Variants in CNTNAP2 observed in about 807,000 individuals in gnomAD.
The protein encoded by CNTNAP2 is contactin-associated protein-like 2.
In CNTNAP2, 98 loss-of-function variants were observed where a neutral mutation model predicts 155.2. The ratio of observed to expected loss-of-function variants is 0.63; its 90% CI spans 0.54 to 0.75. The LOEUF (loss-of-function observed/expected upper bound fraction) is 0.75, where lower values mean the gene tolerates loss of function less well. Ranked by LOEUF, CNTNAP2 falls within the 30% of genes least tolerant of loss-of-function variation. CNTNAP2 has a pLI of 0.00. For synonymous variants in CNTNAP2, 651 were observed against 631.2 expected (o/e 1.03, Z -0.47); for missense variants, 1,727 against 1,688.1 (o/e 1.02, Z -0.40).
At chr7:147,231,604 G>A (rs1440663770) in intron 8 of CNTNAP2, among the ~76,000 whole-genome samples, 4 of 152,064 alleles carry the variant, frequency 2.6e-5, no homozygotes, top group African/African-American at 2.4e-5. Context: ...TTATTATCAC[G>A]TGTCTTTTTG....
At chr7:147,024,924 T>G (rs73465281) in intron 3 of CNTNAP2, among the ~76,000 whole-genome samples, 23,880 of 151,844 alleles carry the variant, frequency 0.16, 3,129 homozygotes, top group African/African-American at 0.35. Flanking sequence ...CCCCACACTT[T>G]AAACAATCAC....
rs559599335 is a variant in CNTNAP2 at position 146,448,749 on chromosome 7, C to A, written c.98-325522C>A. Among the ~76,000 whole-genome samples, 246 of 152,136 alleles carry A rather than the reference C, an allele frequency of 1.6e-3. 3 individuals carry two copies. Among genetic ancestry groups the A allele is most frequent in the African/African-American group, 5.7e-3 (236 of 41,538 alleles). On this transcript the variant is annotated intron_variant, in intron 1 of 23. Transcript: ENST00000361727. ...TAATGTCGATCACACATAATCACTG[C>A]AATTGGAATATAGAACTATTCTGTT...
intron 3 of CNTNAP2, among the ~76,000 whole-genome samples, chr7:146,929,154 C>T (rs1377902982): frequency 1.3e-5 from 2 of 152,224 alleles, no homozygotes; most frequent in South Asian, 4.1e-4. Context: ...TCCCTGACCC[C>T]TGACCTCCGA....
At chr7:147,332,007 T>C (rs192460103) in intron 9 of CNTNAP2, among the ~76,000 whole-genome samples, 13 of 152,302 alleles carry the variant, frequency 8.5e-5, no homozygotes, top group Admixed American at 7.2e-4. Flanking sequence ...GCCCTCTCCT[T>C]ATTAAGGTAT....
At chr7:148,261,080 G>A (rs1796551292) in intron 20 of CNTNAP2, among the ~76,000 whole-genome samples, 1 of 152,218 alleles carries the variant, frequency 6.6e-6, no homozygotes, top group Non-Finnish European at 1.5e-5. Flanking sequence ...TCCTGGTAGA[G>A]AGAAGCCATC....
chr7:146,301,975 G>A (rs1036940128), intron 1 of CNTNAP2, among the ~76,000 whole-genome samples: 6 of 152,100 alleles, frequency 3.9e-5, no homozygotes, highest in Non-Finnish European at 8.8e-5. Context: ...GTAGGACTTG[G>A]AAAAGGTACA....
chr7:147,382,068 C>T (rs1796546690), intron 9 of CNTNAP2, among the ~76,000 whole-genome samples: 1 of 151,912 alleles, frequency 6.6e-6, no homozygotes, highest in Admixed American at 6.6e-5. Context: ...ATAAACATCA[C>T]TTTTAAAAAT....
chr7:146,593,518 G>A (rs911749938), intron 1 of CNTNAP2, among the ~76,000 whole-genome samples: 8 of 152,032 alleles, frequency 5.3e-5, no homozygotes, highest in South Asian at 2.1e-4. Flanking sequence ...AGTCCTCAGC[G>A]TCACTCCCTC....
rs181962369 is a variant in CNTNAP2, at chr7:148,384,139, T to C, written c.3715+251T>C. On this transcript the variant is annotated intron_variant, in intron 22 of 23. Coordinates refer to ENST00000361727, the MANE Select transcript of CNTNAP2 (RefSeq NM_014141.6). ...TTAACTCTTCAATTAGGTTAAATGA[T>C]GACTTGCCTAAACTGATGTCTGCGC... is the stretch of plus-strand genomic sequence containing the variant. Among the ~76,000 whole-genome samples, 5 of 152,348 alleles carry C rather than the reference T, an allele frequency of 3.3e-5. No individual in the cohort carries two copies. In the East Asian group the frequency reaches 9.6e-4, roughly 29 times the overall value.
intron 17 of CNTNAP2, among the ~76,000 whole-genome samples, chr7:148,155,338 G>A (rs1354457184): frequency 1.3e-5 from 2 of 152,176 alleles, no homozygotes; most frequent in Admixed American, 6.5e-5. Context: ...TTGCGACAGG[G>A]TAGAGAAGCC....
At chr7:147,315,382 A>G (rs2373026) in intron 9 of CNTNAP2, among the ~76,000 whole-genome samples, 76,096 of 150,070 alleles carry the variant, frequency 0.51, 21,355 homozygotes, top group East Asian at 0.73. Flanking sequence ...ACTATTAGAA[A>G]TCACTCTGAA....
chr7:148,204,528 T>C lies in CNTNAP2; in HGVS notation c.3011-12760T>C, dbSNP rs570521461. 3.9e-5 allele frequency among the ~76,000 whole-genome samples: 6 copies of C among 152,366 alleles called. No individual in the cohort carries two copies. The East Asian group carries it at 1.2e-3, about 29-fold the overall frequency. On this transcript the variant is annotated intron_variant, in intron 18 of 23. Transcript: ENST00000361727. Reference sequence around the variant, plus strand: ...CTTTTTAAAATTAAAATATAAATCATTCTATTGTTAACAAAAGTTTATCAA... The same window carrying C: ...CTTTTTAAAATTAAAATATAAATCACTCTATTGTTAACAAAAGTTTATCAA...
chr7:147,481,850 T>G (rs1798428229), intron 10 of CNTNAP2, among the ~76,000 whole-genome samples: 1 of 152,210 alleles, frequency 6.6e-6, no homozygotes, highest in African/African-American at 2.4e-5. Context: ...AACCAAACTT[T>G]CAAGCTAGGA....
At chr7:148,014,670 C>A (rs4726903) in intron 15 of CNTNAP2, among the ~76,000 whole-genome samples, 105,030 of 152,120 alleles carry the variant, frequency 0.69, 36,986 homozygotes, top group East Asian at 0.83. Flanking sequence ...ATATAAAGAG[C>A]TCGAAGAATG....
intron 1 of CNTNAP2, among the ~76,000 whole-genome samples, chr7:146,696,790 T>A (rs1800789666): frequency 6.6e-6 from 1 of 152,174 alleles, no homozygotes; most frequent in Non-Finnish European, 1.5e-5. Context: ...TCCTTAAAAT[T>A]TATTGTATTC....
intron 1 of CNTNAP2, among the ~76,000 whole-genome samples, chr7:146,604,667 A>G (rs1180346386): frequency 7.9e-6 from 1 of 126,954 alleles, no homozygotes; most frequent in African/African-American, 3.0e-5. Context: ...AAGACTTGGA[A>G]CCAACCCAAA....
intron 12 of CNTNAP2, among the ~76,000 whole-genome samples, chr7:147,602,724 G>A (rs1800977276): frequency 6.6e-6 from 1 of 151,316 alleles, no homozygotes; most frequent in South Asian, 2.1e-4. Flanking sequence ...CCACCTATGA[G>A]TGAGAATGCG....
At chr7:147,837,191 T>C (rs1316429369) in intron 13 of CNTNAP2, among the ~76,000 whole-genome samples, 2 of 152,194 alleles carry the variant, frequency 1.3e-5, no homozygotes, top group African/African-American at 4.8e-5. Context: ...GACTCACAGT[T>C]CCATGTTGCT....
In CNTNAP2 at chr7:146,246,411, T is replaced by C. The variant is rs545743544; in HGVS notation, c.97+129438T>C. Among the ~76,000 whole-genome samples, 7 of 150,398 alleles carry C rather than the reference T, an allele frequency of 4.7e-5. No homozygotes were observed. In the South Asian group the frequency reaches 6.3e-4, roughly 13 times the overall value. Reference sequence around the variant, plus strand: ...ACTAAAAGGAGTGCTTAAAAGAGTATTGTCTAAGTTGGCATGAGAGTGGGG... The same window carrying C: ...ACTAAAAGGAGTGCTTAAAAGAGTACTGTCTAAGTTGGCATGAGAGTGGGG... On this transcript the variant is annotated intron_variant, in intron 1 of 23. Coordinates refer to ENST00000361727, the MANE Select transcript of CNTNAP2 (RefSeq NM_014141.6).
Sources: allele counts gnomAD v4.1 joint callset (sites outside exome capture counted in the v4.1 genomes callset), GRCh38; gene constraint gnomAD v4.1.1; transcripts MANE v1.5; gene names NCBI Gene and HGNC (gene_info 2026-07-23, HGNC 2026-07-21).